DPYD: variants seen among roughly 807,000 people sequenced by gnomAD.
The protein encoded by DPYD is dihydropyrimidine dehydrogenase [NADP(+)].
A neutral mutation model predicts 116.2 loss-of-function variants in DPYD; 109 were observed. The observed-to-expected ratio is 0.94, with a 90% CI of 0.80 to 1.10. The LOEUF (loss-of-function observed/expected upper bound fraction) is 1.10. Ranked by LOEUF, DPYD falls within the 50% of genes least tolerant of loss-of-function variation. The probability of loss-of-function intolerance (pLI) is 0.00; values close to 1 mark genes in which losing one functional copy is unlikely to be tolerated. For synonymous variants in DPYD, 440 were observed against 432.0 expected, an observed-to-expected ratio of 1.02 and a Z score of -0.23; for missense variants, 1,302 against 1,254.5, an observed-to-expected ratio of 1.04 and a Z score of -0.57.
intron 18 of DPYD, among the ~76,000 whole-genome samples, chr1:97,248,291 G>C (rs143038872): frequency 6.6e-6 from 1 of 152,114 alleles, no homozygotes; most frequent in African/African-American, 2.4e-5. Flanking sequence ...TTATGGGGGC[G>C]GGTCTTTCCT....
At chr1:97,526,287 T>A (rs1334185473) in intron 12 of DPYD, among the ~76,000 whole-genome samples, 1 of 152,144 alleles carries the variant, frequency 6.6e-6, no homozygotes, top group African/African-American at 2.4e-5. Context: ...TGCTTTGTCC[T>A]CTTTCTTTCT....
intron 14 of DPYD, 52 bp from the exon 15 acceptor site, chr1:97,382,513 C>T: frequency 1.9e-6 from 2 of 1,071,632 alleles, no homozygotes; most frequent in Non-Finnish European, 2.7e-6. Flanking sequence ...TCCAGTTGTA[C>T]ACAAAGATAT....
chr1:97,287,724 C>A (rs1389512649), intron 18 of DPYD, among the ~76,000 whole-genome samples: 2 of 152,036 alleles, frequency 1.3e-5, no homozygotes, highest in Non-Finnish European at 2.9e-5. Context: ...GGTGTAGGAC[C>A]CTCCGAGCCA....
At chr1:97,753,733 C>G (rs1208567263) in intron 3 of DPYD, among the ~76,000 whole-genome samples, 1 of 151,650 alleles carries the variant, frequency 6.6e-6, no homozygotes, top group Non-Finnish European at 1.5e-5. Context: ...TCAGTAAGAC[C>G]AATCTTTCCA....
At chr1:97,520,071 A>AT (rs1279424766) in intron 12 of DPYD, among the ~76,000 whole-genome samples, 1 of 152,132 alleles carries the variant, frequency 6.6e-6, no homozygotes, top group Non-Finnish European at 1.5e-5. Context: ...GCATAGTCTG[A>AT]TTTTTTTATA....
intron 3 of DPYD, among the ~76,000 whole-genome samples, chr1:97,799,924 T>C (rs564219985): frequency 2.6e-4 from 39 of 152,040 alleles, no homozygotes; most frequent in African/African-American, 9.4e-4. Flanking sequence ...CCAATGCACA[T>C]CTCCAAACCT....
At chr1:97,831,117 A>G (rs1320436243) in intron 2 of DPYD, among the ~76,000 whole-genome samples, 5 of 152,258 alleles carry the variant, frequency 3.3e-5, no homozygotes, top group Non-Finnish European at 2.9e-5. Context: ...ATACTTCTGT[A>G]TACAGAAATT....
intron 20 of DPYD, among the ~76,000 whole-genome samples, chr1:97,111,965 T>C (rs1044421669): frequency 2.0e-5 from 3 of 152,104 alleles, no homozygotes; most frequent in Admixed American, 6.6e-5. Context: ...AAAGATTATA[T>C]AATTTATATA....
chr1:97,824,205 C>A (rs1669113787), intron 3 of DPYD, among the ~76,000 whole-genome samples: 1 of 152,066 alleles, frequency 6.6e-6, no homozygotes, highest in Non-Finnish European at 1.5e-5. Flanking sequence ...TACCTTGTCT[C>A]CTCTATATCA....
At position 97,355,952 on chromosome 1, in the gene DPYD, T is replaced by C. The variant is rs142193055; in HGVS notation, c.2058+17609A>G. On this transcript the variant is annotated intron_variant, in intron 16 of 22. Transcript: ENST00000370192. ...AATCTATTGCATAAATACCCAGAAGTAGGATTGTTGGATCATATGGTAATT... is the reference window on the plus strand; with the variant it reads ...AATCTATTGCATAAATACCCAGAAGCAGGATTGTTGGATCATATGGTAATT... Among the ~76,000 whole-genome samples the C allele has an allele frequency of 1.9e-3, 283 of 152,276 alleles. 3 individuals are homozygous for C. In the South Asian group the frequency reaches 0.023, roughly 12 times the overall value.
chr1:97,119,042 C>T lies in DPYD; in HGVS notation c.2623-20410G>A, dbSNP rs542773693. On this transcript the variant is annotated intron_variant, in intron 20 of 22. Transcript: ENST00000370192. ...TTTGGGGACAGAAGGTTCTTTCCTT[C>T]AGGTATTGGGAATTTTGAACAACAA... is the stretch of plus-strand genomic sequence containing the variant. Among the ~76,000 whole-genome samples, 136 of 151,880 alleles carry T rather than the reference C, an allele frequency of 9.0e-4. 1 individual carries two copies. The highest frequency in any genetic ancestry group is 1.9e-3 in the Non-Finnish European group (127 of 67,956).
At chr1:97,381,533 T>C (rs766868527) in intron 15 of DPYD, among the ~76,000 whole-genome samples, 3 of 152,168 alleles carry the variant, frequency 2.0e-5, no homozygotes, top group African/African-American at 2.4e-5. Context: ...TTACTGATCA[T>C]GTTTAATTTC....
intron 13 of DPYD, among the ~76,000 whole-genome samples, chr1:97,489,899 A>G (rs1033462346): frequency 1.3e-5 from 2 of 152,236 alleles, no homozygotes; most frequent in African/African-American, 4.8e-5. Flanking sequence ...TTAATGCTCT[A>G]GAAATAGCCT....
intron 2 of DPYD, among the ~76,000 whole-genome samples, chr1:97,863,572 T>C (rs1209941170): frequency 2.0e-5 from 3 of 151,884 alleles, no homozygotes; most frequent in Non-Finnish European, 4.4e-5. Flanking sequence ...TAGAATATTA[T>C]GCATTCATTA....
rs181458857 is a variant in DPYD at position 97,775,120 on chromosome 1, T to A, written c.234-34641A>T. ...AATATTTGTCTTTTATATTCACTTG[T>A]ACTCTCAATTTCTAAATTGTTTTCC... On this transcript the variant is annotated intron_variant, in intron 3 of 22. Transcript: ENST00000370192. The A allele has an allele frequency of 4.1e-3, 641 of 156,430 alleles. 9 individuals are homozygous for A. The highest frequency in any genetic ancestry group is 0.015 in the African/African-American group (620 of 41,678). The allele number at this position is 156,430 out of a possible 1,614,324, so 9.7% of individuals were successfully genotyped here. A position where few individuals can be genotyped will look rare whatever the true frequency, so the allele number is the denominator to read the frequency against.
intron 18 of DPYD, among the ~76,000 whole-genome samples, chr1:97,262,711 T>A (rs1418598407): frequency 1.3e-5 from 2 of 152,094 alleles, no homozygotes; most frequent in Non-Finnish European, 2.9e-5. Flanking sequence ...TATTTCTTTT[T>A]CTTTTTTTAG....
chr1:97,558,095 G>A (rs1370063786), intron 11 of DPYD, among the ~76,000 whole-genome samples: 1 of 152,174 alleles, frequency 6.6e-6, no homozygotes, highest in South Asian at 2.1e-4. Flanking sequence ...GACAGGAACA[G>A]CAAAGAATTC....
At chr1:97,235,461 T>C (rs1463870351) in intron 18 of DPYD, among the ~76,000 whole-genome samples, 1 of 151,962 alleles carries the variant, frequency 6.6e-6, no homozygotes, top group Non-Finnish European at 1.5e-5. Flanking sequence ...CTACTAAAAA[T>C]ACAAAAATAA....
intron 8 of DPYD, among the ~76,000 whole-genome samples, chr1:97,631,948 T>G (rs1657285321): frequency 6.6e-6 from 1 of 152,110 alleles, no homozygotes; most frequent in Non-Finnish European, 1.5e-5. Context: ...TATACATAAA[T>G]ATAGCCACAG....
Sources: allele counts gnomAD v4.1 joint callset (sites outside exome capture counted in the v4.1 genomes callset), GRCh38; gene constraint gnomAD v4.1.1; transcripts MANE v1.5; gene names NCBI Gene and HGNC (gene_info 2026-07-23, HGNC 2026-07-21).